The following HARBI1 variants were observed in gnomAD, a reference collection of about 807,000 sequenced individuals.
HARBI1 encodes the protein harbinger transposase derived 1.
A neutral mutation model predicts 25.3 loss-of-function variants in HARBI1; 15 were observed. The observed-to-expected ratio is 0.59, with a 90% confidence interval of 0.40 to 0.91. The LOEUF is 0.91. Ranked by LOEUF, HARBI1 falls within the 40% of genes least tolerant of loss-of-function variation. The pLI is 0.00. For missense variants in HARBI1, 396 were observed against 445.8 expected, an observed-to-expected ratio of 0.89 and a Z score of 1.01; for synonymous variants, 168 against 160.5, an observed-to-expected ratio of 1.05 and a Z score of -0.35.
intron 2 of HARBI1, among the ~76,000 whole-genome samples, chr11:46,607,444 A>G (rs1181448068): frequency 6.6e-6 from 1 of 152,216 alleles, no homozygotes; most frequent in Admixed American, 6.5e-5. Context: ...AAACAAGAGC[A>G]TAATAAAACA....
chr11:46,607,461 T>C (rs764942502), intron 2 of HARBI1, among the ~76,000 whole-genome samples: 14 of 152,010 alleles, frequency 9.2e-5, no homozygotes, highest in Admixed American at 2.6e-4. Context: ...AACAAGAATA[T>C]AATGCTGTAA....
chr11:46,611,004 C>CT (rs1308203480), intron 2 of HARBI1, among the ~76,000 whole-genome samples: 2,127 of 106,960 alleles, frequency 0.02, 101 homozygotes, highest in Admixed American at 0.064. Flanking sequence ...TTATTTAACT[C>CT]TTTTTTTTTT....
chr11:46,615,014 G>C (rs2045321948), intron 2 of HARBI1, among the ~76,000 whole-genome samples: 1 of 152,150 alleles, frequency 6.6e-6, no homozygotes, highest in African/African-American at 2.4e-5. Context: ...CCGGGTTCAA[G>C]CGATTCTCCT....
chr11:46,603,540 T>C lies in HARBI1; in HGVS notation c.1040A>G (p.His347Arg). ...DRIRQELMLT[H>R]FS ...TCTCCACCTTCTACATTAGCTAAAA[T>C]GAGTGAGCATTAGCTCCTGACGAAT... Residue 347 changes from histidine (H) to arginine (R), a missense_variant, in exon 3 of 3, where the codon CAT (histidine) becomes CGT (arginine). Transcript: ENST00000326737. 3 of 1,587,064 alleles carry C rather than the reference T, an allele frequency of 1.9e-6. No homozygotes were observed. The highest frequency in any genetic ancestry group is 2.6e-6 in the Non-Finnish European group (3 of 1,164,034).
chr11:46,604,164 G>A (rs1005756441), intron 2 of HARBI1: 1 of 985,414 alleles, frequency 1.0e-6, no homozygotes, highest in East Asian at 1.1e-4. Context: ...CCTAAAGGAA[G>A]CCAAATATGA....
intron 2 of HARBI1, chr11:46,604,189 G>A (rs1272199032): frequency 1.0e-6 from 1 of 985,254 alleles, no homozygotes; most frequent in Non-Finnish European, 1.2e-6. Flanking sequence ...ATGTAGGAAG[G>A]AGGTGAAGGC....
At chr11:46,609,025 G>A (rs1322361528) in intron 2 of HARBI1, among the ~76,000 whole-genome samples, 1 of 151,586 alleles carries the variant, frequency 6.6e-6, no homozygotes, top group Admixed American at 6.6e-5. Flanking sequence ...CCAGGTTCAA[G>A]CGATTCTCCT....
At chr11:46,605,450 CACCTCG>C (rs1454374362) in intron 2 of HARBI1, among the ~76,000 whole-genome samples, 1 of 152,046 alleles carries the variant, frequency 6.6e-6, no homozygotes, top group Non-Finnish European at 1.5e-5. Flanking sequence ...ACAATCCACC[CACCTCG>C]ACCTCCCAAA....
At chr11:46,616,981 G>A (rs147847095) in intron 1 of HARBI1, 143 bp downstream of exon 1, 2 of 985,038 alleles carry the variant, frequency 2.0e-6, no homozygotes, top group Non-Finnish European at 2.4e-6. Flanking sequence ...CGGAAGACCA[G>A]ACACATTGGA....
chr11:46,608,087 T>A (rs2045025930), intron 2 of HARBI1, among the ~76,000 whole-genome samples: 1 of 151,944 alleles, frequency 6.6e-6, no homozygotes, highest in Non-Finnish European at 1.5e-5. Context: ...TCACCTGAGG[T>A]TGGGAGTTTG....
At chr11:46,606,164 G>T (rs2044941497) in intron 2 of HARBI1, among the ~76,000 whole-genome samples, 1 of 150,280 alleles carries the variant, frequency 6.7e-6, no homozygotes, top group South Asian at 2.1e-4. Context: ...GGGATTACAG[G>T]CGTGAGACAC....
Position 46,610,587 on chromosome 11 carries a change from G to C in HARBI1, c.670+4981C>G, listed in dbSNP as rs1461282692. Among the ~76,000 whole-genome samples, 3 of 152,108 alleles carry C rather than the reference G, an allele frequency of 2.0e-5. No homozygotes were observed. In the East Asian group the frequency reaches 5.8e-4, roughly 30 times the overall value. Reference sequence around the variant, plus strand: ...AGGCAGGAGAGTGCTGTGAACCCGGGAGGCGGAGCTTGCAGTGAGCCGAGA... The same window carrying C: ...AGGCAGGAGAGTGCTGTGAACCCGGCAGGCGGAGCTTGCAGTGAGCCGAGA... On this transcript the variant is annotated intron_variant, in intron 2 of 2. Coordinates refer to ENST00000326737, the MANE Select transcript of HARBI1 (RefSeq NM_173811.4).
At chr11:46,617,416 T>G (rs939266010), upstream of HARBI1, 1 of 162,422 alleles carries the variant, frequency 6.2e-6, no homozygotes, top group African/African-American at 2.4e-5. Flanking sequence ...AGAAGAAAGC[T>G]TACGTGGAAT....
chr11:46,607,258 T>TC (rs2044991800), intron 2 of HARBI1, among the ~76,000 whole-genome samples: 1 of 87,942 alleles, frequency 1.1e-5, no homozygotes, highest in African/African-American at 5.2e-5. Context: ...TGAGACTGTC[T>TC]CAAAAAAAAA....
In HARBI1 at chr11:46,608,623, A is replaced by AT. The variant is rs775113474; in HGVS notation, c.671-4715dup. Among the ~76,000 whole-genome samples, 411 of 141,992 alleles carry AT rather than the reference A, an allele frequency of 2.9e-3. 1 individual carries two copies. Among genetic ancestry groups the AT allele is most frequent in the East Asian group, 5.7e-3 (28 of 4,894 alleles). The allele number at this position is 141,992 out of a possible 152,430, so 93.2% of individuals were successfully genotyped here. A position where few individuals can be genotyped will look rare whatever the true frequency, so the allele number is the denominator to read the frequency against. On this transcript the variant is annotated intron_variant, in intron 2 of 2. Transcript: ENST00000326737. ...ACCATGCCTGGCAATTAAAAAAAAAATTTTTTTTTTTTTTTGGAGATACAG... is the reference window on the plus strand; with the variant it reads ...ACCATGCCTGGCAATTAAAAAAAAAATTTTTTTTTTTTTTTTGGAGATACAG...
Position 46,616,158 on chromosome 11 carries a change from AG to A in HARBI1, c.79del (p.Leu27TrpfsTer4). 6.2e-7 allele frequency: 1 copy of A among 1,614,090 alleles called. No homozygotes were observed. Among genetic ancestry groups the A allele is most frequent in the Non-Finnish European group, 8.5e-7 (1 of 1,180,022 alleles). ...CAAGTATTCATCAGTCACATCATCC[AG>A]CTTAAAACGGTCCAATGTCCGGTGA... is the stretch of plus-strand genomic sequence containing the variant. ...RGHRTLDRFKLDDVTDEYLMS... is the reference protein window; with the variant it reads ...RGHRTLDRFKXDDVTDEYLMS... On this transcript the variant is annotated frameshift_variant, in exon 2 of 3. Transcript: ENST00000326737. LOFTEE classifies it high-confidence loss of function.
chr11:46,615,329 G>A (rs975929067), intron 2 of HARBI1, among the ~76,000 whole-genome samples: 1 of 146,684 alleles, frequency 6.8e-6, no homozygotes, highest in African/African-American at 2.5e-5. Context: ...TCAAGCGATT[G>A]TCCTGCCTCA....
intron 2 of HARBI1, among the ~76,000 whole-genome samples, chr11:46,608,228 G>A (rs1490586919): frequency 6.6e-6 from 1 of 152,130 alleles, no homozygotes; most frequent in Non-Finnish European, 1.5e-5. Flanking sequence ...AACCCAGGAG[G>A]CACAGGTTGC....
chr11:46,606,121 T>A (rs1307544167), intron 2 of HARBI1, among the ~76,000 whole-genome samples: 1 of 150,564 alleles, frequency 6.6e-6, no homozygotes, highest in East Asian at 2.0e-4. Flanking sequence ...CCTGACCTCA[T>A]GCGATCCACC....
Sources: gnomAD v4.1 joint callset for allele counts (sites outside exome capture counted in the v4.1 genomes callset) on GRCh38, gnomAD v4.1.1 for gene constraint, MANE v1.5 for transcripts, NCBI Gene and HGNC (gene_info 2026-07-23, HGNC 2026-07-21) for gene names.